Variants in ATP6V0D2 observed in about 807,000 individuals in gnomAD.
The protein encoded by ATP6V0D2 is ATPase H+ transporting V0 subunit d2, also known as V-type proton ATPase subunit d 2.
In ATP6V0D2, 40 loss-of-function variants were observed where a neutral mutation model predicts 40.0. The observed-to-expected ratio is 1.00, with a 90% CI of 0.78 to 1.30. The LOEUF is 1.30. ATP6V0D2 is among the 50% of genes most tolerant of loss of function. The probability of loss-of-function intolerance (pLI) is 0.00; values close to 1 mark genes in which losing one functional copy is unlikely to be tolerated. For missense variants in ATP6V0D2, 470 were observed against 423.1 expected (o/e 1.11, Z -0.97); for synonymous variants, 179 against 156.3 (o/e 1.15, Z -1.08).
chr8:86,143,195 A>G (rs1819001114), intron 5 of ATP6V0D2, among the ~76,000 whole-genome samples: 1 of 152,192 alleles, frequency 6.6e-6, no homozygotes, highest in South Asian at 2.1e-4. Flanking sequence ...GAAAATAATA[A>G]TGTTTACACA....
intron 1 of ATP6V0D2, among the ~76,000 whole-genome samples, chr8:86,106,921 A>C (rs1731524971): frequency 6.6e-6 from 1 of 152,098 alleles, no homozygotes; most frequent in Non-Finnish European, 1.5e-5. Context: ...TTGTAATCCT[A>C]GCACTTTGGG....
Position 86,148,922 on chromosome 8 carries a change from T to G in ATP6V0D2, c.640-1190T>G, listed in dbSNP as rs140423976. ...TCCCGTCTCTACAAGAAAAATTACC[T>G]GGGCATGGTGTCACATGCCTGTAGT... is the stretch of plus-strand genomic sequence containing the variant. On this transcript the variant is annotated intron_variant, in intron 5 of 7. Transcript: ENST00000285393. 3.1e-3 allele frequency among the ~76,000 whole-genome samples: 474 copies of G among 151,704 alleles called. 4 individuals are homozygous for G. The highest frequency in any genetic ancestry group is 0.011 in the African/African-American group (444 of 41,370).
intron 2 of ATP6V0D2, among the ~76,000 whole-genome samples, chr8:86,115,986 G>T (rs1818587540): frequency 6.6e-6 from 1 of 152,150 alleles, no homozygotes; most frequent in South Asian, 2.1e-4. Context: ...GTGGGCAAGA[G>T]CAGAAGTAAA....
intron 5 of ATP6V0D2, among the ~76,000 whole-genome samples, chr8:86,146,370 T>C (rs1331271964): frequency 6.6e-6 from 1 of 152,012 alleles, no homozygotes; most frequent in Non-Finnish European, 1.5e-5. Flanking sequence ...TCAGATGAGA[T>C]TAGTGTTTGT....
chr8:86,145,370 G>GAA lies in ATP6V0D2; in HGVS notation c.639+2417_639+2418dup, dbSNP rs33955030. Among the ~76,000 whole-genome samples the GAA allele has an allele frequency of 6.3e-3, 448 of 70,608 alleles. 8 individuals carry two copies. Among genetic ancestry groups the GAA allele is most frequent in the African/African-American group, 0.033 (408 of 12,384 alleles). 46.3% of individuals were successfully genotyped at this position (70,608 alleles called of 152,430 possible). ...GGAAAGAAGGAAGGAAGGAAGGAAG[G>GAA]AAGGAAAGAAAAGAAAAGAAAAGAA... On this transcript the variant is annotated intron_variant, in intron 5 of 7. Coordinates refer to ENST00000285393, the MANE Select transcript of ATP6V0D2 (RefSeq NM_152565.1).
chr8:86,134,498 G>A lies in ATP6V0D2; in HGVS notation c.303-4959G>A, dbSNP rs932615770. On this transcript the variant is annotated intron_variant, in intron 2 of 7. Transcript: ENST00000285393. ...CATTACTCTGTCTGATGTGGTTCTC[G>A]ATATACATAGAGGAAATATAAGTTA... Among the ~76,000 whole-genome samples, 6 of 152,172 alleles carry A rather than the reference G, an allele frequency of 3.9e-5. No individual in the cohort carries two copies. In the East Asian group the frequency reaches 5.8e-4, roughly 15 times the overall value.
chr8:86,150,270 C>T lies in ATP6V0D2; in HGVS notation c.798C>T (p.Asn266=), dbSNP rs369857600. The T allele has an allele frequency of 1.8e-5, 29 of 1,613,104 alleles. No individual in the cohort carries two copies. In the African/African-American group the frequency reaches 2.3e-4, roughly 13 times the overall value. The change falls in exon 6 of 8, where the codon AAC becomes AAT. Residue 266 remains asparagine (N), a synonymous_variant. Coordinates refer to ENST00000285393, the MANE Select transcript of ATP6V0D2 (RefSeq NM_152565.1). ...CAGAAGACTTTGACCAGATGAAGAA[C>T]GTAGCGGATCATTACGGAGTATGTG... ...AQAEDFDQMK[N]VADHYGVYKP...
intron 2 of ATP6V0D2, among the ~76,000 whole-genome samples, chr8:86,126,251 T>TATATATATATAC (rs1818742794): frequency 7.4e-6 from 1 of 135,908 alleles, no homozygotes; most frequent in Non-Finnish European, 1.6e-5. Context: ...TATATATATA[T>TATATATATATAC]ATATATATAT....
chr8:86,145,202 A>AG (rs1563566058), intron 5 of ATP6V0D2, among the ~76,000 whole-genome samples: 2 of 10,800 alleles, frequency 1.9e-4, no homozygotes, highest in African/African-American at 5.3e-4. Context: ...AAGAAAAGAA[A>AG]GAAAGAAAGA....
At position 86,130,016 on chromosome 8, in the gene ATP6V0D2, G is replaced by GAAAAT. The variant is rs1413875759; in HGVS notation, c.303-9438_303-9434dup. Among the ~76,000 whole-genome samples, 9 of 147,080 alleles carry GAAAAT rather than the reference G, an allele frequency of 6.1e-5. No homozygotes were observed. The East Asian group carries it at 1.6e-3, about 26-fold the overall frequency. On this transcript the variant is annotated intron_variant, in intron 2 of 7. Transcript: ENST00000285393. ...AAAAAAAAGAAAAGAAAAGAAAAAA[G>GAAAAT]AAAATAATAATCTATACTTCTCTAT...
At chr8:86,113,914 A>G (rs753547943) in intron 2 of ATP6V0D2, 34 bp downstream of exon 2, 3 of 1,580,706 alleles carry the variant, frequency 1.9e-6, no homozygotes, top group Admixed American at 1.8e-5. Context: ...ATAAGCCCCA[A>G]TGTACTCGTG....
intron 2 of ATP6V0D2, among the ~76,000 whole-genome samples, chr8:86,118,239 T>A (rs1448942540): frequency 2.1e-5 from 2 of 93,542 alleles, no homozygotes; most frequent in African/African-American, 3.0e-5. Flanking sequence ...TTTTGTATTT[T>A]TTTTTATTTT....
chr8:86,098,923 G>T lies in ATP6V0D2; in HGVS notation c.-56G>T. On this transcript the variant is annotated 5_prime_UTR_variant, in exon 1 of 8. Transcript: ENST00000285393. ...TCCCAGGCTAGTGCAAATCTTCAGG[G>T]GCCGTCCAGGACTACAGAGCTGTTT... 6.4e-7 allele frequency: 1 copy of T among 1,569,004 alleles called. No homozygotes were observed. Among genetic ancestry groups the T allele is most frequent in the Non-Finnish European group, 8.6e-7 (1 of 1,157,780 alleles).
chr8:86,152,747 G>A lies in ATP6V0D2; in HGVS notation c.892-69G>A, dbSNP rs1376985886. ...GCACTGCACAAGTTCAAGCCAGTCA[G>A]TAGCTTAATATTATTCCATAATGTT... On this transcript the variant is annotated intron_variant, in intron 7 of 7. Coordinates refer to ENST00000285393, the MANE Select transcript of ATP6V0D2 (RefSeq NM_152565.1). The A allele has an allele frequency of 2.1e-6, 3 of 1,462,156 alleles. No individual in the cohort carries two copies. The East Asian group carries it at 7.2e-5, about 35-fold the overall frequency. The allele number at this position is 1,462,156 out of a possible 1,614,324, so 90.6% of individuals were successfully genotyped here. A position where few individuals can be genotyped will look rare whatever the true frequency, so the allele number is the denominator to read the frequency against.
chr8:86,112,774 C>G (rs1306712729), intron 1 of ATP6V0D2, among the ~76,000 whole-genome samples: 1 of 152,082 alleles, frequency 6.6e-6, no homozygotes, highest in African/African-American at 2.4e-5. Context: ...AAATTCAGTT[C>G]AATCCAATTA....
intron 2 of ATP6V0D2, among the ~76,000 whole-genome samples, chr8:86,121,232 G>A (rs1159842438): frequency 6.6e-6 from 1 of 152,142 alleles, no homozygotes; most frequent in African/African-American, 2.4e-5. Flanking sequence ...AACCCTGGCA[G>A]CATTCAGTTG....
chr8:86,119,172 T>G (rs1329542480), intron 2 of ATP6V0D2, among the ~76,000 whole-genome samples: 2 of 151,650 alleles, frequency 1.3e-5, no homozygotes, highest in Non-Finnish European at 2.9e-5. Context: ...TGTGAGTCCT[T>G]TGGTCAAAGG....
chr8:86,130,951 A>G (rs1185416355), intron 2 of ATP6V0D2, among the ~76,000 whole-genome samples: 1 of 151,980 alleles, frequency 6.6e-6, no homozygotes, highest in Admixed American at 6.6e-5. Context: ...GCACATCAGA[A>G]ATCTTAACTC....
intron 1 of ATP6V0D2, among the ~76,000 whole-genome samples, chr8:86,104,850 TAC>T (rs146266622): frequency 0.017 from 2,444 of 145,936 alleles, 55 homozygotes; most frequent in African/African-American, 0.056. Flanking sequence ...TTAAAACACA[TAC>T]ACACACACAC....
Sources: allele counts gnomAD v4.1 joint callset (sites outside exome capture counted in the v4.1 genomes callset), GRCh38; gene constraint gnomAD v4.1.1; transcripts MANE v1.5; gene names NCBI Gene and HGNC (gene_info 2026-07-23, HGNC 2026-07-21).